Variants in COMMD10 observed in about 807,000 individuals in gnomAD.
COMMD10 encodes COMM domain-containing protein 10.
COMMD10 carries 33 observed loss-of-function variants against 28.9 expected under a neutral mutation model. The observed-to-expected ratio is 1.14, with a 90% CI of 0.87 to 1.53. The LOEUF is 1.53. COMMD10 is among the 40% of genes most tolerant of loss of function. The probability of loss-of-function intolerance (pLI) is 0.00; values close to 1 mark genes in which losing one functional copy is unlikely to be tolerated. For missense variants in COMMD10, 310 were observed against 233.4 expected, an observed-to-expected ratio of 1.33 and a Z score of -2.14; for synonymous variants, 110 against 81.7, an observed-to-expected ratio of 1.35 and a Z score of -1.87.
At chr5:116,116,237 A>G (rs1451798603) in intron 4 of COMMD10, among the ~76,000 whole-genome samples, 1 of 152,176 alleles carries the variant, frequency 6.6e-6, no homozygotes, top group African/African-American at 2.4e-5. Context: ...TGTTTCATTA[A>G]TTATTGAATA....
chr5:116,114,576 T>G (rs988773454), intron 4 of COMMD10, among the ~76,000 whole-genome samples: 1 of 152,130 alleles, frequency 6.6e-6, no homozygotes, highest in African/African-American at 2.4e-5. Flanking sequence ...AGATCCTGCA[T>G]TGTGTCTCAG....
At chr5:116,139,720 T>C (rs929272707) in intron 5 of COMMD10, among the ~76,000 whole-genome samples, 2 of 151,708 alleles carry the variant, frequency 1.3e-5, no homozygotes, top group Admixed American at 6.6e-5. Context: ...AATTCAAATA[T>C]AAATAAAATC....
chr5:116,150,555 C>G (rs200031332), intron 5 of COMMD10, among the ~76,000 whole-genome samples: 8,034 of 141,290 alleles, frequency 0.057, 310 homozygotes, highest in East Asian at 0.14. Context: ...TGTAGTTCTC[C>G]TTGAAGAGGT....
chr5:116,202,646 G>A (rs1460393645), intron 5 of COMMD10, among the ~76,000 whole-genome samples: 5 of 151,924 alleles, frequency 3.3e-5, no homozygotes, highest in African/African-American at 7.3e-5. Context: ...GTGATGATGA[G>A]CATTTTTTCA....
At chr5:116,116,000 T>C (rs1275730501) in intron 4 of COMMD10, among the ~76,000 whole-genome samples, 1 of 152,206 alleles carries the variant, frequency 6.6e-6, no homozygotes, top group Admixed American at 6.5e-5. Flanking sequence ...AGAATGTGTT[T>C]AATGTGATTT....
chr5:116,161,774 A>G (rs1270849297), intron 5 of COMMD10, among the ~76,000 whole-genome samples: 1 of 152,186 alleles, frequency 6.6e-6, no homozygotes, highest in Non-Finnish European at 1.5e-5. Context: ...TGCTCTTGCC[A>G]TCTCAGGGGT....
intron 5 of COMMD10, among the ~76,000 whole-genome samples, chr5:116,166,081 C>T (rs555863471): frequency 1.3e-5 from 2 of 152,104 alleles, no homozygotes; most frequent in East Asian, 3.9e-4. Flanking sequence ...ATTCTATGGC[C>T]GAAAGAGCTT....
intron 5 of COMMD10, among the ~76,000 whole-genome samples, chr5:116,247,315 T>C (rs184782868): frequency 7.2e-5 from 11 of 151,934 alleles, no homozygotes; most frequent in African/African-American, 2.4e-4. Context: ...AGTCAAAAAA[T>C]AACAGATGTT....
chr5:116,209,878 C>G lies in COMMD10; in HGVS notation c.510+75700C>G, dbSNP rs1480331913. Among the ~76,000 whole-genome samples, 6 of 152,092 alleles carry G rather than the reference C, an allele frequency of 3.9e-5. No homozygotes were observed. In the East Asian group the frequency reaches 9.6e-4, roughly 24 times the overall value. ...TTAAAAAACATTTTATATAGTTACT[C>G]TCTTTATTCTGGTGCAATAATAATA... On this transcript the variant is annotated intron_variant, in intron 5 of 6. Transcript: ENST00000274458.
chr5:116,108,496 T>A (rs929759638), intron 4 of COMMD10, among the ~76,000 whole-genome samples: 17 of 152,150 alleles, frequency 1.1e-4, no homozygotes, highest in Admixed American at 6.5e-5. Context: ...ACTGTGAGGG[T>A]AAAACCGCCT....
At chr5:116,101,453 G>A (rs1375485103) in intron 4 of COMMD10, among the ~76,000 whole-genome samples, 1 of 151,558 alleles carries the variant, frequency 6.6e-6, no homozygotes, top group Non-Finnish European at 1.5e-5. Flanking sequence ...TTGAGACGGA[G>A]TCTTGCTCTG....
rs565716425 is a variant in COMMD10 at position 116,193,746 on chromosome 5, G to A, written c.510+59568G>A. ...TGGAGGACTTCAGTACTCCACTGAC[G>A]GTACTAGACAGGTCATCAAGACAAA... On this transcript the variant is annotated intron_variant, in intron 5 of 6. Coordinates refer to ENST00000274458, the MANE Select transcript of COMMD10 (RefSeq NM_016144.4). 1.4e-4 allele frequency among the ~76,000 whole-genome samples: 22 copies of A among 151,960 alleles called. No homozygotes were observed. In the East Asian group the frequency reaches 3.7e-3, roughly 25 times the overall value.
At chr5:116,207,065 T>A (rs1263780649) in intron 5 of COMMD10, among the ~76,000 whole-genome samples, 1 of 152,240 alleles carries the variant, frequency 6.6e-6, no homozygotes, top group Non-Finnish European at 1.5e-5. Context: ...TCTGAAGTAC[T>A]TTTCATATGT....
At chr5:116,255,207 G>C (rs1750247459) in intron 5 of COMMD10, among the ~76,000 whole-genome samples, 1 of 151,644 alleles carries the variant, frequency 6.6e-6, no homozygotes, top group African/African-American at 2.4e-5. Flanking sequence ...CCCGTGAGAT[G>C]GGTTTCCTGA....
chr5:116,262,734 A>G (rs1253836585), intron 5 of COMMD10, among the ~76,000 whole-genome samples: 1 of 151,882 alleles, frequency 6.6e-6, no homozygotes, highest in African/African-American at 2.4e-5. Flanking sequence ...CAAAATGAAA[A>G]TCATTTTTTA....
chr5:116,196,334 G>C (rs553432047), intron 5 of COMMD10, among the ~76,000 whole-genome samples: 1 of 152,030 alleles, frequency 6.6e-6, no homozygotes, highest in African/African-American at 2.4e-5. Flanking sequence ...AGTGGACTTC[G>C]AGGACTTGGG....
chr5:116,086,739 G>A (rs1314945871), intron 1 of COMMD10, among the ~76,000 whole-genome samples: 2 of 152,144 alleles, frequency 1.3e-5, no homozygotes, highest in South Asian at 2.1e-4. Context: ...GGATTATAGG[G>A]GTGAGCCACT....
intron 5 of COMMD10, among the ~76,000 whole-genome samples, chr5:116,215,524 T>G (rs1749070707): frequency 1.3e-5 from 2 of 151,316 alleles, no homozygotes; most frequent in Admixed American, 6.6e-5. Flanking sequence ...CTGTCTCTAC[T>G]AAAAATACAA....
At chr5:116,237,194 A>G (rs1018696413) in intron 5 of COMMD10, among the ~76,000 whole-genome samples, 4 of 152,204 alleles carry the variant, frequency 2.6e-5, no homozygotes, top group Admixed American at 1.3e-4. Flanking sequence ...AAGCAGGTTA[A>G]TGTGGCTCAA....
Sources: gnomAD v4.1 joint callset for allele counts (sites outside exome capture counted in the v4.1 genomes callset) on GRCh38, gnomAD v4.1.1 for gene constraint, MANE v1.5 for transcripts, NCBI Gene and HGNC (gene_info 2026-07-23, HGNC 2026-07-21) for gene names.